The following FAM184A variants were observed in gnomAD, a reference collection of about 807,000 sequenced individuals.
The protein encoded by FAM184A is protein FAM184A.
FAM184A carries 99 observed loss-of-function variants against 143.8 expected under a neutral mutation model. The ratio of observed to expected loss-of-function variants is 0.69; its 90% CI spans 0.58 to 0.81. FAM184A has a LOEUF of 0.81. Ranked by LOEUF, FAM184A falls within the 40% of genes least tolerant of loss-of-function variation. The pLI is 0.00. For missense variants in FAM184A, 1,217 were observed against 1,310.5 expected (o/e 0.93, Z 1.10); for synonymous variants, 427 against 446.4 (o/e 0.96, Z 0.55).
At chr6:118,968,961 C>G (rs1416571533) in intron 14 of FAM184A, among the ~76,000 whole-genome samples, 1 of 152,044 alleles carries the variant, frequency 6.6e-6, no homozygotes, top group African/African-American at 2.4e-5. Context: ...TGTGTCTCAC[C>G]CAAATCTCAT....
intron 9 of FAM184A, among the ~76,000 whole-genome samples, chr6:118,989,921 T>A (rs1271974558): frequency 6.6e-6 from 1 of 152,008 alleles, no homozygotes; most frequent in Non-Finnish European, 1.5e-5. Context: ...CAAAGCCTCC[T>A]GGGTTCAAGC....
At chr6:119,041,152 T>C (rs2114727221) in intron 1 of FAM184A, among the ~76,000 whole-genome samples, 1 of 152,268 alleles carries the variant, frequency 6.6e-6, no homozygotes, top group East Asian at 1.9e-4. Context: ...ATGATCATTT[T>C]ATTACTAAAA....
intron 1 of FAM184A, among the ~76,000 whole-genome samples, chr6:119,071,089 T>G (rs1463738425): frequency 6.6e-6 from 1 of 152,186 alleles, no homozygotes; most frequent in Non-Finnish European, 1.5e-5. Context: ...TATCACAATT[T>G]TAAAAGTTAA....
chr6:118,965,211 T>G (rs555678713), intron 15 of FAM184A, among the ~76,000 whole-genome samples: 2 of 150,256 alleles, frequency 1.3e-5, no homozygotes, highest in Admixed American at 6.6e-5. Flanking sequence ...GTTTGTTTTT[T>G]TTTTTTTTTT....
intron 1 of FAM184A, among the ~76,000 whole-genome samples, chr6:119,122,516 TAG>T (rs1201058644): frequency 6.6e-6 from 1 of 152,084 alleles, no homozygotes; most frequent in Non-Finnish European, 1.5e-5. Flanking sequence ...GTATGCCAAG[TAG>T]AGAGGTCAAA....
chr6:119,082,354 A>C (rs1011744445), upstream of FAM184A, among the ~76,000 whole-genome samples: 2 of 152,204 alleles, frequency 1.3e-5, no homozygotes, highest in African/African-American at 4.8e-5. Context: ...TTCAAAACAC[A>C]GTCATGCCTT....
intron 1 of FAM184A, among the ~76,000 whole-genome samples, chr6:119,136,429 T>TACTA (rs1764192734): frequency 6.6e-6 from 1 of 152,170 alleles, no homozygotes; most frequent in Non-Finnish European, 1.5e-5. Flanking sequence ...TTTAGTTGCA[T>TACTA]AATGATATCA....
intron 7 of FAM184A, among the ~76,000 whole-genome samples, chr6:119,004,712 T>C (rs1365576638): frequency 1.3e-5 from 2 of 152,226 alleles, no homozygotes; most frequent in East Asian, 3.8e-4. Context: ...GCAGCATCTA[T>C]ATTTTGTCAG....
chr6:119,014,778 G>T (rs1309706825), intron 5 of FAM184A, among the ~76,000 whole-genome samples: 1 of 152,192 alleles, frequency 6.6e-6, no homozygotes, highest in Non-Finnish European at 1.5e-5. Context: ...AAGGAAATCA[G>T]CTGAGTGCGG....
intron 1 of FAM184A, among the ~76,000 whole-genome samples, chr6:119,035,158 C>T (rs1369440358): frequency 6.6e-6 from 1 of 152,100 alleles, no homozygotes; most frequent in Non-Finnish European, 1.5e-5. Flanking sequence ...AGGATTTTAA[C>T]AAAACCTTTT....
At chr6:119,075,178 C>A (rs1319983581) in intron 1 of FAM184A, among the ~76,000 whole-genome samples, 1 of 152,052 alleles carries the variant, frequency 6.6e-6, no homozygotes, top group Non-Finnish European at 1.5e-5. Context: ...AAATGTGAAA[C>A]CTTTAAACTT....
chr6:119,019,927 A>C (rs528847319), intron 4 of FAM184A, 51 bp downstream of exon 4: 1 of 1,429,382 alleles, frequency 7.0e-7, no homozygotes, highest in African/African-American at 1.4e-5. Context: ...AATGTGAAAA[A>C]GAGAAAAACG....
At chr6:119,077,919 G>C (rs994682879) in intron 1 of FAM184A, among the ~76,000 whole-genome samples, 1 of 152,270 alleles carries the variant, frequency 6.6e-6, no homozygotes, top group African/African-American at 2.4e-5. Flanking sequence ...GGAGGTGCAA[G>C]TCCCTTACGC....
chr6:118,961,236 T>A (rs1217341286), intron 17 of FAM184A, among the ~76,000 whole-genome samples: 1 of 151,720 alleles, frequency 6.6e-6, no homozygotes, highest in Non-Finnish European at 1.5e-5. Flanking sequence ...TGGAAATTTT[T>A]AAAATTATTT....
At chr6:119,132,560 G>T (rs1331897346) in intron 1 of FAM184A, among the ~76,000 whole-genome samples, 1 of 152,130 alleles carries the variant, frequency 6.6e-6, no homozygotes, top group Non-Finnish European at 1.5e-5. Context: ...AATTGTAAAG[G>T]CCACTTTTCA....
At chr6:119,023,145 A>T (rs1785506508) in intron 2 of FAM184A, 65 bp from the exon 3 acceptor site, 1 of 1,552,886 alleles carries the variant, frequency 6.4e-7, no homozygotes, top group African/African-American at 1.4e-5. Context: ...AATTCATTTA[A>T]ATTATAAGGG....
chr6:118,974,370 A>T (rs1783782892), intron 14 of FAM184A, 58 bp downstream of exon 14: 2 of 1,498,884 alleles, frequency 1.3e-6, no homozygotes, highest in East Asian at 2.3e-5. Flanking sequence ...CTGAGGTTAA[A>T]CACAGTGCTC....
chr6:119,027,615 C>T (rs1210468617), intron 1 of FAM184A, among the ~76,000 whole-genome samples: 1 of 152,102 alleles, frequency 6.6e-6, no homozygotes, highest in East Asian at 1.9e-4. Flanking sequence ...GGAGGTAATT[C>T]AGTAACTTGT....
intron 1 of FAM184A, among the ~76,000 whole-genome samples, chr6:119,029,017 C>A (rs794254): frequency 0.96 from 145,724 of 152,270 alleles, 69,833 homozygotes; most frequent in African/African-American, 0.97. Context: ...GGTAGGAAAA[C>A]CTGTTTTTTC....
Sources: allele counts gnomAD v4.1 joint callset (sites outside exome capture counted in the v4.1 genomes callset), GRCh38; gene constraint gnomAD v4.1.1; transcripts MANE v1.5; gene names NCBI Gene and HGNC (gene_info 2026-07-23, HGNC 2026-07-21).